Variants in HIF3A observed in about 807,000 individuals in gnomAD.
HIF3A encodes the protein hypoxia inducible factor 3 subunit alpha, also known as hypoxia-inducible factor 3-alpha.
In HIF3A, 41 loss-of-function variants were observed where a neutral mutation model predicts 67.2. The observed-to-expected ratio is 0.61, with a 90% CI of 0.48 to 0.79. The LOEUF is 0.79. HIF3A is among the 30% of genes least tolerant of loss of function. The pLI is 0.00. For missense variants in HIF3A, 855 were observed against 898.0 expected, an observed-to-expected ratio of 0.95 and a Z score of 0.61; for synonymous variants, 356 against 374.8, an observed-to-expected ratio of 0.95 and a Z score of 0.58.
chr19:46,306,349 G>A (rs866164310), intron 3 of HIF3A: 14 of 152,236 alleles, frequency 9.2e-5, no homozygotes, highest in Admixed American at 2.6e-4. Context: ...GAGATCAGAG[G>A]TTGAAAGATC....
intron 14 of HIF3A, among the ~76,000 whole-genome samples, chr19:46,335,740 A>G (rs1971562503): frequency 1.3e-5 from 2 of 151,656 alleles, no homozygotes; most frequent in Admixed American, 1.3e-4. Context: ...TGTCTCAAAT[A>G]AAAAAGAGTG....
chr19:46,326,950 A>G (rs1262307434), intron 11 of HIF3A, among the ~76,000 whole-genome samples: 1 of 152,118 alleles, frequency 6.6e-6, no homozygotes, highest in Non-Finnish European at 1.5e-5. Context: ...TCAGGAGATC[A>G]AGACCGTTCT....
rs374688173 is a variant in HIF3A, at chr19:46,308,802, C to T, written c.561+27C>T. Reference sequence around the variant, plus strand: ...TGCGTGGGGCCGGGCCAGAGGAGGGCGGGGACGCTGGGGCTGGGTGTGAGC... The same window carrying T: ...TGCGTGGGGCCGGGCCAGAGGAGGGTGGGGACGCTGGGGCTGGGTGTGAGC... On this transcript the variant is annotated intron_variant, in intron 5 of 14. Coordinates refer to ENST00000377670, the MANE Select transcript of HIF3A (RefSeq NM_152795.4). The T allele has an allele frequency of 2.4e-5, 35 of 1,448,512 alleles. No homozygotes were observed. In the African/African-American group the frequency reaches 3.3e-4, roughly 14 times the overall value. 89.7% of individuals were successfully genotyped at this position (1,448,512 alleles called of 1,614,324 possible). A position where few individuals can be genotyped will look rare whatever the true frequency, so the allele number is the denominator to read the frequency against.
At chr19:46,303,834 G>A (rs1357360082) in intron 1 of HIF3A, 64 bp from the exon 2 acceptor site, 2 of 1,552,782 alleles carry the variant, frequency 1.3e-6, no homozygotes, top group African/African-American at 1.4e-5. Context: ...CTCCCCACGT[G>A]CTCGTCCCGT....
chr19:46,303,890 G>A lies in HIF3A; in HGVS notation c.27-8G>A. On this transcript the variant is annotated splice_region_variant and splice_polypyrimidine_tract_variant and intron_variant, in intron 1 of 14. Coordinates refer to ENST00000377670, the MANE Select transcript of HIF3A (RefSeq NM_152795.4). The stretch of plus-strand genomic sequence containing the variant: ...GTCACCACCAGTGAATGCTGCCCAT[G>A]CCCTCAGGTCGACCACGGAGCTGCG... 1 of 1,606,512 alleles carries A rather than the reference G, an allele frequency of 6.2e-7. No homozygotes were observed. Among genetic ancestry groups the A allele is most frequent in the Non-Finnish European group, 8.5e-7 (1 of 1,176,950 alleles).
In HIF3A at chr19:46,339,870, A is replaced by G; in HGVS notation, c.*248A>G. On this transcript the variant is annotated 3_prime_UTR_variant, in exon 15 of 15. Coordinates refer to ENST00000377670, the MANE Select transcript of HIF3A (RefSeq NM_152795.4). ...TCCCTGGCCCCCTCCTCCTTCTCTC[A>G]GGATTTCTCTTGGGGTTCTCAATAC... The G allele has an allele frequency of 2.6e-6, 1 of 391,242 alleles. No homozygotes were observed. The highest frequency in any genetic ancestry group is 4.5e-6 in the Non-Finnish European group (1 of 221,308). 24.2% of individuals were successfully genotyped at this position (391,242 alleles called of 1,614,324 possible).
At chr19:46,308,042 G>A (rs988218819) in intron 3 of HIF3A, among the ~76,000 whole-genome samples, 179 bp from the exon 4 acceptor site, 10 of 152,214 alleles carry the variant, frequency 6.6e-5, no homozygotes, top group East Asian at 3.9e-4. Flanking sequence ...CTTGGTATGC[G>A]CTGAATAAAT....
intron 13 of HIF3A, among the ~76,000 whole-genome samples, chr19:46,333,152 A>G (rs960868774): frequency 1.6e-4 from 24 of 152,170 alleles, no homozygotes; most frequent in African/African-American, 5.8e-4. Context: ...TTTAATCCCC[A>G]CAACTACTAT....
rs967822385 is a variant in HIF3A at position 46,326,206 on chromosome 19, G to A, written c.1440+567G>A. Reference sequence around the variant, plus strand: ...AATCCCTCACTTTGCTTTGGCTGGAGGCCTCAGTTCCTCATCACGTGAACC... The same window carrying A: ...AATCCCTCACTTTGCTTTGGCTGGAAGCCTCAGTTCCTCATCACGTGAACC... On this transcript the variant is annotated intron_variant, in intron 11 of 14. Coordinates refer to ENST00000377670, the MANE Select transcript of HIF3A (RefSeq NM_152795.4). Among the ~76,000 whole-genome samples, 8 of 152,172 alleles carry A rather than the reference G, an allele frequency of 5.3e-5. 1 individual carries two copies. The highest frequency in any genetic ancestry group is 1.9e-4 in the African/African-American group (8 of 41,438).
Position 46,314,497 on chromosome 19 carries a change from T to A in HIF3A, c.1025+1844T>A, listed in dbSNP as rs1352671070. Among the ~76,000 whole-genome samples the A allele has an allele frequency of 2.0e-5, 3 of 147,518 alleles. 1 individual carries two copies. Among genetic ancestry groups the A allele is most frequent in the Non-Finnish European group, 3.0e-5 (2 of 67,028 alleles). On this transcript the variant is annotated intron_variant, in intron 8 of 14. Coordinates refer to ENST00000377670, the MANE Select transcript of HIF3A (RefSeq NM_152795.4). Reference sequence around the variant, plus strand: ...TGCAATTGTGTAACCACTATCACAATCCAGCTATTGACCAATTAGTGTGGT... The same window carrying A: ...TGCAATTGTGTAACCACTATCACAAACCAGCTATTGACCAATTAGTGTGGT...
At chr19:46,308,505 G>C (rs555283502) in intron 4 of HIF3A, 158 bp from the exon 5 acceptor site, 27 of 632,142 alleles carry the variant, frequency 4.3e-5, no homozygotes, top group Non-Finnish European at 5.2e-5. Flanking sequence ...GCCCTGGGGG[G>C]TCCAAGGGGA....
In HIF3A at chr19:46,331,206, G is replaced by T; in HGVS notation, c.1763G>T (p.Gly588Val). 1 of 1,614,104 alleles carries T rather than the reference G, an allele frequency of 6.2e-7. No individual in the cohort carries two copies. The highest frequency in any genetic ancestry group is 8.5e-7 in the Non-Finnish European group (1 of 1,180,000). The change falls in exon 13 of 15, where the codon GGA becomes GTA. Residue 588 changes from glycine to valine, a missense_variant. By Grantham distance (109) the Gly-to-Val change is moderately radical (BLOSUM62 -3). Coordinates refer to ENST00000377670, the MANE Select transcript of HIF3A (RefSeq NM_152795.4). The part of the protein sequence containing the change: ...EDEDEGVELL[G>V]VRPPKRSPSP... ...GAGGACGAGGGAGTGGAGCTGCTGG[G>T]AGTGAGACCTCCCAAAAGGTCCCCC...
intron 1 of HIF3A, among the ~76,000 whole-genome samples, chr19:46,302,041 T>G (rs1968383042): frequency 6.6e-6 from 1 of 152,092 alleles, no homozygotes; most frequent in Non-Finnish European, 1.5e-5. Flanking sequence ...TACACTAGAT[T>G]ATATATACAA....
chr19:46,331,221 A>G lies in HIF3A; in HGVS notation c.1778A>G (p.Lys593Arg). Residue 593 changes from lysine (K) to arginine (R), a missense_variant, in exon 13 of 15, where the codon AAA becomes AGA. Transcript: ENST00000377670. ...GVELLGVRPP[K>R]RSPSPEHENF... Reference sequence around the variant, plus strand: ...GAGCTGCTGGGAGTGAGACCTCCCAAAAGGTCCCCCAGCCCAGAACACGAA... The same window carrying G: ...GAGCTGCTGGGAGTGAGACCTCCCAGAAGGTCCCCCAGCCCAGAACACGAA... 1 of 1,614,088 alleles carries G rather than the reference A, an allele frequency of 6.2e-7. No individual in the cohort carries two copies. The highest frequency in any genetic ancestry group is 8.5e-7 in the Non-Finnish European group (1 of 1,179,992).
In HIF3A at chr19:46,320,522, C is replaced by T. The variant is rs760791893; in HGVS notation, c.1105C>T (p.Pro369Ser). The T allele has an allele frequency of 6.2e-7, 1 of 1,614,144 alleles. No individual in the cohort carries two copies. Among genetic ancestry groups the T allele is most frequent in the Non-Finnish European group, 8.5e-7 (1 of 1,180,006 alleles). ...TCGCAGACCCATTCAGCGGGGCGCC[C>T]CCTCTCAGAAGGACACCCCTAACCC... ...HSRRPIQRGA[P>S]SQKDTPNPGD... is the part of the protein sequence containing the mutation. Residue 369 changes from proline (P) to serine (S), a missense_variant, in exon 9 of 15, where the codon CCC (proline) becomes TCC (serine). Transcript: ENST00000377670.
Position 46,326,091 on chromosome 19 carries a change from T to C in HIF3A, c.1440+452T>C, listed in dbSNP as rs956402317. On this transcript the variant is annotated intron_variant, in intron 11 of 14. Transcript: ENST00000377670. ...GGTTTTTGCTGAGTCTCTCATGAGG[T>C]TGAAGTCAAACTCTCAGTCAGGGCT... 3.3e-5 allele frequency among the ~76,000 whole-genome samples: 5 copies of C among 152,188 alleles called. No homozygotes were observed. In the East Asian group the frequency reaches 9.6e-4, roughly 29 times the overall value.
Position 46,308,667 on chromosome 19 carries a change from GT to G in HIF3A, c.454del (p.Ser152ProfsTer17). ...QDALTPQQTLSRRKVEAPTER... is the reference protein window; with the variant it reads ...QDALTPQQTLXRRKVEAPTER... ...GCTGCCCCCGGGCCTCCCCAGCCCT[GT>G]CCAGGAGGAAGGTGGAGGCCCCCAC... is the stretch of plus-strand genomic sequence containing the variant. On this transcript the variant is annotated frameshift_variant, in exon 5 of 15. Coordinates refer to ENST00000377670, the MANE Select transcript of HIF3A (RefSeq NM_152795.4). LOFTEE classifies it high-confidence loss of function. The G allele has an allele frequency of 6.2e-7, 1 of 1,601,848 alleles. No individual in the cohort carries two copies. The highest frequency in any genetic ancestry group is 1.1e-5 in the South Asian group (1 of 89,236).
intron 8 of HIF3A, among the ~76,000 whole-genome samples, chr19:46,318,765 C>G (rs889008263): frequency 6.6e-6 from 1 of 151,566 alleles, no homozygotes; most frequent in African/African-American, 2.4e-5. Context: ...GGACTACAGG[C>G]GCATGCCACC....
chr19:46,322,731 G>A (rs903468705), intron 10 of HIF3A, among the ~76,000 whole-genome samples: 2 of 152,108 alleles, frequency 1.3e-5, no homozygotes, highest in African/African-American at 4.8e-5. Flanking sequence ...GTGAGCCACC[G>A]TACCTGGCTC....
Sources: gnomAD v4.1 joint callset for allele counts (sites outside exome capture counted in the v4.1 genomes callset) on GRCh38, gnomAD v4.1.1 for gene constraint, MANE v1.5 for transcripts, NCBI Gene and HGNC (gene_info 2026-07-23, HGNC 2026-07-21) for gene names.